MACF1: variants seen among roughly 807,000 people sequenced by gnomAD.
MACF1 encodes the protein microtubule-actin cross-linking factor 1.
Under a neutral mutation model 854.8 loss-of-function variants are expected in MACF1, and 193 were observed. The ratio of observed to expected loss-of-function variants is 0.23; its 90% CI spans 0.20 to 0.25. MACF1 has a LOEUF of 0.25. Among genes scored for constraint, MACF1 ranks in the 10% least tolerant of loss-of-function variants. The probability of loss-of-function intolerance (pLI) is 1.00; values close to 1 mark genes in which losing one functional copy is unlikely to be tolerated. For synonymous variants in MACF1, 3,185 were observed against 3,226.7 expected (o/e 0.99, Z 0.44); for missense variants, 7,722 against 8,929.1 (o/e 0.86, Z 5.45).
chr1:39,220,172 A>C (rs1644631917), intron 1 of MACF1, among the ~76,000 whole-genome samples: 1 of 152,018 alleles, frequency 6.6e-6, no homozygotes, highest in Non-Finnish European at 1.5e-5. Context: ...TTGGATATTT[A>C]ATGAAAAAAA....
intron 1 of MACF1, among the ~76,000 whole-genome samples, chr1:39,228,739 C>T (rs560684728): frequency 2.8e-4 from 42 of 152,314 alleles, no homozygotes; most frequent in African/African-American, 5.8e-4. Flanking sequence ...CTGCAACCTC[C>T]GCCTCCTGGG....
intron 2 of MACF1, chr1:39,103,346 T>C: frequency 3.8e-6 from 1 of 262,104 alleles, no homozygotes; most frequent in Non-Finnish European, 7.5e-6. Context: ...TGTAGTGTAA[T>C]GGACATAAGG....
Position 39,303,028 on chromosome 1 carries a change from C to G in MACF1, c.2739C>G (p.Val913=), listed in dbSNP as rs975929746. Residue 913 remains valine (V), a synonymous_variant, in exon 23 of 101, where the codon GTC becomes GTG. Coordinates refer to ENST00000564288, the MANE Select transcript of MACF1 (RefSeq NM_001394062.1). ...PTGNEAMVPS[V]CFLIPPPNKD... ...GGAACGAGGCAATGGTGCCGTCAGT[C>G]TGCTTCCTCATCCCCCCACCCAATA... 6.2e-7 allele frequency: 1 copy of G among 1,614,198 alleles called. No homozygotes were observed. The highest frequency in any genetic ancestry group is 8.5e-7 in the Non-Finnish European group (1 of 1,180,010).
At chr1:39,419,419 C>T (rs1460943875) in intron 58 of MACF1, among the ~76,000 whole-genome samples, 5 of 152,164 alleles carry the variant, frequency 3.3e-5, no homozygotes, top group African/African-American at 1.2e-4. Flanking sequence ...TTTCTGAATG[C>T]TGGCATGATG....
In MACF1 at chr1:39,333,496, G is replaced by A. The variant is rs1646762197; in HGVS notation, c.6908G>A (p.Gly2303Asp). 1 of 1,614,142 alleles carries A rather than the reference G, an allele frequency of 6.2e-7. No individual in the cohort carries two copies. The change falls in exon 37 of 101, where the codon GGT becomes GAT. Residue 2303 changes from glycine to aspartate, a missense_variant. Gly to Asp is a moderately conservative substitution (Grantham distance 94). This residue lies in a region of MACF1 where 1,531 missense variants were observed against 1,601.6 expected (regional missense o/e 0.96). Coordinates refer to ENST00000564288, the MANE Select transcript of MACF1 (RefSeq NM_001394062.1). The stretch of plus-strand genomic sequence containing the variant: ...GGTGGTATCTTTCATGAACAAACAG[G>A]TCAAAAGCTCTTACTAAATGAAGCA... ...LDGGIFHEQT[G>D]QKLLLNEAIS...
chr1:39,433,056 C>A lies in MACF1; in HGVS notation c.17466C>A (p.Ser5822=). 2 of 1,604,014 alleles carry A rather than the reference C, an allele frequency of 1.2e-6. No homozygotes were observed. The highest frequency in any genetic ancestry group is 1.7e-6 in the Non-Finnish European group (2 of 1,172,808). The part of the protein sequence containing the change: ...TAQLQVQKAF[S]IDIIRHKDSM... ...CAGTTTACTTTTCAAAGGCTTTCTC[C>A]ATTGACATTATTCGACACAAAGATT... Residue 5822 remains serine (S), a synonymous_variant, in exon 68 of 101, where the codon TCC becomes TCA. Transcript: ENST00000564288.
intron 2 of MACF1, among the ~76,000 whole-genome samples, chr1:39,187,898 C>CTG (rs1644196661): frequency 1.2e-4 from 1 of 8,174 alleles, no homozygotes; most frequent in African/African-American, 1.8e-4. Context: ...CTCTCTCTCT[C>CTG]TCTCCTCTCT....
chr1:39,084,257 A>T lies in MACF1; in HGVS notation c.39A>T (p.Ser13=), dbSNP rs368210104. Residue 13 remains serine, a synonymous_variant, in exon 2 of 94, where the codon TCA becomes TCT. Transcript: ENST00000361689. The surrounding 1 kb of genome is among the most constrained non-coding windows in gnomAD (Gnocchi z 5.2). ...ATGAAGAGACGCTCAGTGAGCGGTC[A>T]TGTCGGAGTGAGCGGTCTTGTCGGA... 2.5e-6 allele frequency: 4 copies of T among 1,612,846 alleles called. No individual in the cohort carries two copies. The highest frequency in any genetic ancestry group is 3.4e-6 in the Non-Finnish European group (4 of 1,179,230).
chr1:39,190,398 T>G (rs1225467205), intron 2 of MACF1, among the ~76,000 whole-genome samples: 2 of 122,114 alleles, frequency 1.6e-5, no homozygotes, highest in Non-Finnish European at 3.4e-5. Context: ...TGTGTTTGTT[T>G]TTGTTTTTTT....
chr1:39,234,377 C>T (rs1265599585), intron 2 of MACF1, among the ~76,000 whole-genome samples: 2 of 151,040 alleles, frequency 1.3e-5, no homozygotes, highest in Non-Finnish European at 3.0e-5. Flanking sequence ...CGGGCAGAGG[C>T]GCCCCTCACC....
intron 2 of MACF1, among the ~76,000 whole-genome samples, chr1:39,152,567 A>G (rs192981190): frequency 2.4e-4 from 37 of 152,332 alleles, no homozygotes; most frequent in Middle Eastern, 3.4e-3. Context: ...CTTCCTCAAC[A>G]TTGTGATGTT....
chr1:39,347,718 C>G (rs542319828), intron 41 of MACF1, among the ~76,000 whole-genome samples: 1 of 152,130 alleles, frequency 6.6e-6, no homozygotes, highest in Non-Finnish European at 1.5e-5. Flanking sequence ...TTATTAGAAT[C>G]GTATTAATTT....
At chr1:39,478,791 T>G (rs764925463) in intron 97 of MACF1, among the ~76,000 whole-genome samples, 1 of 152,226 alleles carries the variant, frequency 6.6e-6, no homozygotes, top group Non-Finnish European at 1.5e-5. Flanking sequence ...TAGAAAAGAA[T>G]GACAAATATT....
At chr1:39,167,621 G>A (rs1377059235) in intron 2 of MACF1, among the ~76,000 whole-genome samples, 2 of 151,916 alleles carry the variant, frequency 1.3e-5, no homozygotes, top group African/African-American at 4.8e-5. Flanking sequence ...CAGGAGAATC[G>A]CTTGAACCTG....
At chr1:39,392,648 C>T (rs940394649) in intron 58 of MACF1, among the ~76,000 whole-genome samples, 2 of 152,122 alleles carry the variant, frequency 1.3e-5, no homozygotes, top group Admixed American at 6.5e-5. Flanking sequence ...TGAGTTAGGC[C>T]TGTGAAGAAC....
rs552838201 is a variant in MACF1 at position 39,101,002 on chromosome 1, C to G, written c.220+16564C>G. Among the ~76,000 whole-genome samples the G allele has an allele frequency of 9.9e-5, 15 of 152,184 alleles. No individual in the cohort carries two copies. The East Asian group carries it at 2.5e-3, about 26-fold the overall frequency. ...TCTTGAACTCCTGGGCTCAAGCGAT[C>G]CTCCTGCCTCGGCCTCCCAAATTGT... is the stretch of plus-strand genomic sequence containing the variant. On this transcript the variant is annotated intron_variant, in intron 2 of 93. Coordinates refer to the MACF1 transcript ENST00000361689.
intron 5 of MACF1, among the ~76,000 whole-genome samples, chr1:39,256,331 A>G (rs924555303): frequency 6.6e-6 from 1 of 152,172 alleles, no homozygotes; most frequent in African/African-American, 2.4e-5. Context: ...GTTAGTGATT[A>G]GAAAAATTGA....
intron 43 of MACF1, among the ~76,000 whole-genome samples, chr1:39,351,616 TTGCTC>T: frequency 6.7e-6 from 1 of 148,210 alleles, no homozygotes; most frequent in Non-Finnish European, 1.5e-5. Flanking sequence ...AGACAGAGTT[TTGCTC>T]TGTTGCCAAG....
rs776664681 is a variant in MACF1, at chr1:39,428,002, C to T, written c.16518C>T (p.His5506=). ...EDIENHATDV[H]QAVKIGQSLS... ...TAGAAAACCATGCAACAGATGTGCA[C>T]CAGGCAGTCAAAATTGGGCAGTCCC... is the stretch of plus-strand genomic sequence containing the variant. The change falls in exon 63 of 101, where the codon CAC becomes CAT. Residue 5506 remains histidine, a synonymous_variant. Coordinates refer to ENST00000564288, the MANE Select transcript of MACF1 (RefSeq NM_001394062.1). 185 of 1,614,052 alleles carry T rather than the reference C, an allele frequency of 1.1e-4. No individual in the cohort carries two copies. Among genetic ancestry groups the T allele is most frequent in the Non-Finnish European group, 1.5e-4 (172 of 1,180,030 alleles).
Sources: gnomAD v4.1 joint callset for allele counts (sites outside exome capture counted in the v4.1 genomes callset) on GRCh38, gnomAD v4.1.1 for gene constraint, gnomAD v4.1.1 regional missense constraint, Gnocchi (gnomAD v3.1) non-coding constraint, MANE v1.5 for transcripts, NCBI Gene and HGNC (gene_info 2026-07-23, HGNC 2026-07-21) for gene names.